The following ACTL6A variants were observed in gnomAD, a reference collection of about 807,000 sequenced individuals.
ACTL6A encodes actin-like protein 6A.
In ACTL6A, 5 loss-of-function variants were observed where a neutral mutation model predicts 59.2. That is an observed-to-expected ratio of 0.08 (90% CI 0.04 to 0.18). ACTL6A has a LOEUF of 0.18. Among genes scored for constraint, ACTL6A ranks in the 10% least tolerant of loss-of-function variants. The pLI, the probability that ACTL6A is intolerant of heterozygous loss-of-function variation, is 1.00. For missense variants in ACTL6A, 285 were observed against 526.9 expected (o/e 0.54, Z 4.49); for synonymous variants, 154 against 171.8 (o/e 0.90, Z 0.81).
intron 8 of ACTL6A, among the ~76,000 whole-genome samples, chr3:179,579,979 C>T (rs1472015143): frequency 1.3e-5 from 2 of 152,070 alleles, no homozygotes; most frequent in Non-Finnish European, 2.9e-5. Flanking sequence ...CGCTATGTTG[C>T]CCAGGCTGGT....
chr3:179,577,079 A>T (rs1039859754), intron 8 of ACTL6A, among the ~76,000 whole-genome samples, 166 bp downstream of exon 8: 3 of 152,178 alleles, frequency 2.0e-5, no homozygotes. Flanking sequence ...TAAATAGAAC[A>T]TGATCTCAGG....
In ACTL6A at chr3:179,570,789, G is replaced by A. The variant is rs1717981417; in HGVS notation, c.277+548G>A. On this transcript the variant is annotated intron_variant, in intron 3 of 13. Transcript: ENST00000429709. The surrounding 1 kb of genome is among the most constrained non-coding windows in gnomAD (Gnocchi z 4.3). Reference sequence around the variant, plus strand: ...TAGGCAGAGAGCAGTAGCAGGAAAGGTAGGCAGGGAGCAGTCATAAAAGGG... The same window carrying A: ...TAGGCAGAGAGCAGTAGCAGGAAAGATAGGCAGGGAGCAGTCATAAAAGGG... Among the ~76,000 whole-genome samples the A allele has an allele frequency of 6.6e-6, 1 of 152,216 alleles. No individual in the cohort carries two copies. The highest frequency in any genetic ancestry group is 1.5e-5 in the Non-Finnish European group (1 of 68,038).
At position 179,570,024 on chromosome 3, in the gene ACTL6A, G is replaced by C. The variant is rs2108356640; in HGVS notation, c.103-43G>C. 2 of 1,593,120 alleles carry C rather than the reference G, an allele frequency of 1.3e-6. No individual in the cohort carries two copies. The highest frequency in any genetic ancestry group is 4.5e-5 in the East Asian group (2 of 44,708). The stretch of plus-strand genomic sequence containing the variant: ...TTAATTGGGGAAAAAATGCCTTCTT[G>C]ATGAAAGGTGAAACTTGTATGTCAT... On this transcript the variant is annotated intron_variant, in intron 2 of 13. Coordinates refer to ENST00000429709, the MANE Select transcript of ACTL6A (RefSeq NM_004301.5). The surrounding 1 kb of genome is among the most constrained non-coding windows in gnomAD (Gnocchi z 4.3).
In ACTL6A at chr3:179,586,571, A is replaced by G. The variant is rs1190430633; in HGVS notation, c.1148A>G (p.Asn383Ser). The change falls in exon 13 of 14, where the codon AAT becomes AGT. Residue 383 changes from asparagine to serine, a missense_variant. Physicochemically the swap from Asn to Ser is conservative, Grantham distance 46. Coordinates refer to ENST00000429709, the MANE Select transcript of ACTL6A (RefSeq NM_004301.5). ...PPSMRLKLIA[N>S]NTTVERRFSS... ...AGTATGCGGTTGAAATTGATTGCAA[A>G]TAATACAACAGTGGAACGGAGGTTT... is the stretch of plus-strand genomic sequence containing the variant. 1.9e-6 allele frequency: 3 copies of G among 1,594,366 alleles called. No individual in the cohort carries two copies. Among genetic ancestry groups the G allele is most frequent in the Non-Finnish European group, 2.6e-6 (3 of 1,174,056 alleles).
intron 1 of ACTL6A, among the ~76,000 whole-genome samples, chr3:179,566,749 G>A (rs1717847808): frequency 6.6e-6 from 1 of 152,154 alleles, no homozygotes; most frequent in African/African-American, 2.4e-5. Flanking sequence ...GAGTGCAGTA[G>A]CACGATCTCA....
At position 179,564,104 on chromosome 3, in the gene ACTL6A, C is replaced by G. The variant is rs927931094; in HGVS notation, c.25+987C>G. On this transcript the variant is annotated intron_variant, in intron 1 of 13. Coordinates refer to ENST00000429709, the MANE Select transcript of ACTL6A (RefSeq NM_004301.5). ...TGCAAGCCTGTTAGAAATGCAGGAT[C>G]TCACGCGTCATTCAGAATCTACTGA... is the stretch of plus-strand genomic sequence containing the variant. 9.2e-5 allele frequency among the ~76,000 whole-genome samples: 14 copies of G among 152,308 alleles called. 1 individual carries two copies. The highest frequency in any genetic ancestry group is 3.9e-4 in the Admixed American group (6 of 15,296).
intron 13 of ACTL6A, among the ~76,000 whole-genome samples, chr3:179,587,158 A>G (rs1464725921): frequency 6.6e-6 from 1 of 152,030 alleles, no homozygotes; most frequent in Non-Finnish European, 1.5e-5. Flanking sequence ...CCTTATATAC[A>G]GTTTATATAC....
chr3:179,562,948 G>T lies in ACTL6A; in HGVS notation c.-145G>T. On this transcript the variant is annotated 5_prime_UTR_variant, in exon 1 of 14. Transcript: ENST00000429709. ...AGCAAGTGTGGCTGAGCTCCGGGGT[G>T]TGTGGACGCCGCTTTGTTGCCTGAG... 9.6e-7 allele frequency: 1 copy of T among 1,037,320 alleles called. No homozygotes were observed. Among genetic ancestry groups the T allele is most frequent in the Non-Finnish European group, 1.4e-6 (1 of 690,934 alleles). 64.3% of individuals were successfully genotyped at this position (1,037,320 alleles called of 1,614,324 possible). A position where few individuals can be genotyped will look rare whatever the true frequency, so the allele number is the denominator to read the frequency against.
At chr3:179,574,565 C>G (rs1037010377) in intron 5 of ACTL6A, 98 bp downstream of exon 5, 3 of 901,390 alleles carry the variant, frequency 3.3e-6, no homozygotes, top group Non-Finnish European at 5.3e-6. Flanking sequence ...ATTGCTTGTT[C>G]CGAAGTTGTT....
In ACTL6A at chr3:179,570,776, A is replaced by C. The variant is rs1717981247; in HGVS notation, c.277+535A>C. ...GTAGCAGGAAAGGTAGGCAGAGAGCAGTAGCAGGAAAGGTAGGCAGGGAGC... is the reference window on the plus strand; with the variant it reads ...GTAGCAGGAAAGGTAGGCAGAGAGCCGTAGCAGGAAAGGTAGGCAGGGAGC... On this transcript the variant is annotated intron_variant, in intron 3 of 13. Transcript: ENST00000429709. This position sits in a 1 kb window ranked among gnomAD's most constrained non-coding sequence, Gnocchi z 4.3. Among the ~76,000 whole-genome samples the C allele has an allele frequency of 2.0e-5, 3 of 152,232 alleles. No homozygotes were observed. Among genetic ancestry groups the C allele is most frequent in the East Asian group, 1.9e-4 (1 of 5,200 alleles).
intron 8 of ACTL6A, among the ~76,000 whole-genome samples, chr3:179,580,299 T>G (rs2108366831): frequency 6.6e-6 from 1 of 152,364 alleles, no homozygotes; most frequent in East Asian, 1.9e-4. Context: ...AATGAAATCT[T>G]GCTTCTAATC....
At chr3:179,580,481 T>G (rs1219093670) in intron 8 of ACTL6A, among the ~76,000 whole-genome samples, 159 bp from the exon 9 acceptor site, 3 of 152,258 alleles carry the variant, frequency 2.0e-5, no homozygotes, top group Non-Finnish European at 4.4e-5. Context: ...TTCTTGATAC[T>G]CAGAATCCTT....
intron 5 of ACTL6A, chr3:179,575,652 C>T (rs946560517): frequency 1.2e-5 from 4 of 339,856 alleles, no homozygotes; most frequent in African/African-American, 8.7e-5. Context: ...TATAGGCCAT[C>T]TGCAGCACAG....
At chr3:179,573,963 G>A (rs930333130) in intron 4 of ACTL6A, among the ~76,000 whole-genome samples, 2 of 152,160 alleles carry the variant, frequency 1.3e-5, no homozygotes, top group Admixed American at 1.3e-4. Context: ...GTATCTTATT[G>A]TTACTAACTT....
chr3:179,566,475 AG>A (rs1444202486), intron 1 of ACTL6A, among the ~76,000 whole-genome samples: 1 of 152,222 alleles, frequency 6.6e-6, no homozygotes, highest in African/African-American at 2.4e-5. Context: ...ATTAGTTTGT[AG>A]GGCTGCCATA....
intron 3 of ACTL6A, among the ~76,000 whole-genome samples, chr3:179,573,052 A>G (rs552232945): frequency 2.0e-4 from 29 of 147,938 alleles, no homozygotes; most frequent in African/African-American, 5.7e-4. Context: ...TGTACTTCCT[A>G]TTATCATTCT....
At chr3:179,563,339 TC>T (rs1717727038) in intron 1 of ACTL6A, among the ~76,000 whole-genome samples, 1 of 152,074 alleles carries the variant, frequency 6.6e-6, no homozygotes, top group Admixed American at 6.5e-5. Flanking sequence ...TGTGGCCTCT[TC>T]CTGCCTCTGT....
intron 12 of ACTL6A, among the ~76,000 whole-genome samples, chr3:179,585,621 A>G (rs1718465472): frequency 6.6e-6 from 1 of 152,056 alleles, no homozygotes; most frequent in Non-Finnish European, 1.5e-5. Context: ...CTACCCACCC[A>G]TATCCCATAC....
Position 179,579,467 on chromosome 3 carries a change from C to T in ACTL6A, c.769-1173C>T, listed in dbSNP as rs983743978. Among the ~76,000 whole-genome samples, 13 of 148,836 alleles carry T rather than the reference C, an allele frequency of 8.7e-5. 1 individual carries two copies. Among genetic ancestry groups the T allele is most frequent in the East Asian group, 1.9e-4 (1 of 5,156 alleles). On this transcript the variant is annotated intron_variant, in intron 8 of 13. Coordinates refer to ENST00000429709, the MANE Select transcript of ACTL6A (RefSeq NM_004301.5). ...TATTTATATCATATACACACACACA[C>T]ACACACACACACACACACACACATT...
Sources: allele counts gnomAD v4.1 joint callset (sites outside exome capture counted in the v4.1 genomes callset), GRCh38; gene constraint gnomAD v4.1.1; non-coding constraint Gnocchi (gnomAD v3.1); transcripts MANE v1.5; gene names NCBI Gene and HGNC (gene_info 2026-07-23, HGNC 2026-07-21).